The following ST8SIA6 variants were observed in gnomAD, a reference collection of about 807,000 sequenced individuals.
ST8SIA6 encodes alpha-2,8-sialyltransferase 8F.
Under a neutral mutation model 33.6 loss-of-function variants are expected in ST8SIA6, and 39 were observed. The observed-to-expected ratio is 1.16, with a 90% CI of 0.90 to 1.52. The LOEUF (loss-of-function observed/expected upper bound fraction) is 1.52. ST8SIA6 is among the 40% of genes most tolerant of loss of function. The probability of loss-of-function intolerance (pLI) is 0.00; values close to 1 mark genes in which losing one functional copy is unlikely to be tolerated. For synonymous variants in ST8SIA6, 172 were observed against 167.2 expected, an observed-to-expected ratio of 1.03 and a Z score of -0.22; for missense variants, 441 against 443.8, an observed-to-expected ratio of 0.99 and a Z score of 0.06.
intron 4 of ST8SIA6, among the ~76,000 whole-genome samples, chr10:17,348,221 C>CT (rs202024746): frequency 0.19 from 24,435 of 131,522 alleles, 2,414 homozygotes; most frequent in East Asian, 0.48. Context: ...GAGTAGGAAC[C>CT]TTTTTTTTTT....
intron 4 of ST8SIA6, among the ~76,000 whole-genome samples, chr10:17,358,445 T>G (rs552790799): frequency 6.6e-6 from 1 of 152,192 alleles, no homozygotes; most frequent in Non-Finnish European, 1.5e-5. Context: ...TTTTACAAGT[T>G]TAATGCTTCA....
intron 4 of ST8SIA6, among the ~76,000 whole-genome samples, chr10:17,355,525 T>C (rs1849163966): frequency 6.6e-6 from 1 of 152,176 alleles, no homozygotes; most frequent in Non-Finnish European, 1.5e-5. Context: ...CATCTCTCTC[T>C]TGATATTTTC....
chr10:17,453,438 T>TA (rs375711170), intron 2 of ST8SIA6, 121 bp downstream of exon 2: 3 of 705,328 alleles, frequency 4.3e-6, no homozygotes, highest in Middle Eastern at 9.0e-4. Flanking sequence ...CGCACACTCT[T>TA]ACACTCACTC....
At chr10:17,376,211 A>G (rs1007544162) in intron 3 of ST8SIA6, among the ~76,000 whole-genome samples, 3 of 152,058 alleles carry the variant, frequency 2.0e-5, no homozygotes, top group Non-Finnish European at 4.4e-5. Context: ...ATTAGTAGCT[A>G]CTCTTTGAGC....
rs1297642517 is a variant in ST8SIA6, at chr10:17,319,140, A to T, written c.*1738T>A. Among the ~76,000 whole-genome samples, 1 of 152,218 alleles carries T rather than the reference A, an allele frequency of 6.6e-6. No homozygotes were observed. Among genetic ancestry groups the T allele is most frequent in the Non-Finnish European group, 1.5e-5 (1 of 68,036 alleles). On this transcript the variant is annotated 3_prime_UTR_variant, in exon 8 of 8. Coordinates refer to ENST00000377602, the MANE Select transcript of ST8SIA6 (RefSeq NM_001004470.3). ...TGCACATGTTATATGTGTCACAATG[A>T]ATGTGTCTAAATATGACAGATTATG...
chr10:17,320,903 T>G lies in ST8SIA6; in HGVS notation c.1172A>C (p.Gln391Pro), dbSNP rs906532716. 6.2e-7 allele frequency: 1 copy of G among 1,614,036 alleles called. No individual in the cohort carries two copies. Among genetic ancestry groups the G allele is most frequent in the Non-Finnish European group, 8.5e-7 (1 of 1,179,928 alleles). Residue 391 changes from glutamine to proline, a missense_variant, in exon 8 of 8, where the codon CAA (glutamine) becomes CCA (proline). Coordinates refer to ENST00000377602, the MANE Select transcript of ST8SIA6 (RefSeq NM_001004470.3). ...TTAGGCGACTTCACATTTGCTAAATTGCAGTTTGAGGATTCCTTTCATGTG... is the reference window on the plus strand; with the variant it reads ...TTAGGCGACTTCACATTTGCTAAATGGCAGTTTGAGGATTCCTTTCATGTG... ...QLHMKGILKL[Q>P]FSKCEVA
At chr10:17,438,294 G>A (rs1852354823) in intron 2 of ST8SIA6, among the ~76,000 whole-genome samples, 1 of 152,092 alleles carries the variant, frequency 6.6e-6, no homozygotes, top group Admixed American at 6.6e-5. Flanking sequence ...ACACTTAAGA[G>A]TTTAATTTGG....
chr10:17,390,808 A>AAAAAG (rs1314284025), intron 2 of ST8SIA6, among the ~76,000 whole-genome samples, 188 bp from the exon 3 acceptor site: 3 of 151,144 alleles, frequency 2.0e-5, no homozygotes, highest in Non-Finnish European at 2.9e-5. Context: ...TGAAAAAAAA[A>AAAAAG]ACAAAAAACT....
chr10:17,418,721 G>A (rs528330813), intron 2 of ST8SIA6, among the ~76,000 whole-genome samples: 2 of 152,116 alleles, frequency 1.3e-5, no homozygotes, highest in African/African-American at 2.4e-5. Context: ...AGCTGGGCGC[G>A]ATGGCTCATG....
intron 3 of ST8SIA6, among the ~76,000 whole-genome samples, chr10:17,368,696 TTAAG>T (rs1849641201): frequency 6.7e-6 from 1 of 148,698 alleles, no homozygotes; most frequent in Admixed American, 6.6e-5. Flanking sequence ...AAAGTAATAA[TTAAG>T]TAAGCTGTGC....
intron 3 of ST8SIA6, among the ~76,000 whole-genome samples, chr10:17,382,248 G>C (rs1353217906): frequency 1.4e-5 from 2 of 139,314 alleles, no homozygotes; most frequent in Non-Finnish European, 3.1e-5. Flanking sequence ...AGAAGTTTCA[G>C]TGATAATTTT....
At chr10:17,397,770 G>T (rs1437527056) in intron 2 of ST8SIA6, among the ~76,000 whole-genome samples, 1 of 152,024 alleles carries the variant, frequency 6.6e-6, no homozygotes, top group African/African-American at 2.4e-5. Context: ...GTTTGGTACT[G>T]GCAACCAAGA....
rs1195222508 is a variant in ST8SIA6, at chr10:17,347,393, G to A, written c.377+12121C>T. ...TTTCTGATTCAGGCCACTGGGAGAAGGATGCTGACTTCTCTGACACACAGA... is the reference window on the plus strand; with the variant it reads ...TTTCTGATTCAGGCCACTGGGAGAAAGATGCTGACTTCTCTGACACACAGA... On this transcript the variant is annotated intron_variant, in intron 4 of 7. Coordinates refer to ENST00000377602, the MANE Select transcript of ST8SIA6 (RefSeq NM_001004470.3). 3.3e-5 allele frequency among the ~76,000 whole-genome samples: 5 copies of A among 152,166 alleles called. No individual in the cohort carries two copies. In the South Asian group the frequency reaches 8.3e-4, roughly 25 times the overall value.
intron 6 of ST8SIA6, 72 bp from the exon 7 acceptor site, chr10:17,323,229 G>GCGCACGCACACA (rs112083592): frequency 0.04 from 31,522 of 787,056 alleles, 1,663 homozygotes; most frequent in African/African-American, 0.1. Flanking sequence ...ACATATGCGC[G>GCGCACGCACACA]CACACACACA....
intron 3 of ST8SIA6, among the ~76,000 whole-genome samples, chr10:17,370,243 G>A (rs1436408233): frequency 6.6e-6 from 1 of 152,042 alleles, no homozygotes; most frequent in Non-Finnish European, 1.5e-5. Context: ...TCGGCCTCTC[G>A]AAGTGCTGGG....
intron 7 of ST8SIA6, among the ~76,000 whole-genome samples, chr10:17,322,460 G>A (rs896803441): frequency 1.8e-4 from 28 of 152,074 alleles, no homozygotes; most frequent in Admixed American, 9.8e-4. Context: ...TGAAAGGCAA[G>A]TTCAATATTT....
intron 6 of ST8SIA6, among the ~76,000 whole-genome samples, chr10:17,324,288 T>C (rs979025203): frequency 6.6e-6 from 1 of 152,060 alleles, no homozygotes; most frequent in African/African-American, 2.4e-5. Flanking sequence ...CCATGTCCTA[T>C]AAAACACATG....
chr10:17,400,714 T>C lies in ST8SIA6; in HGVS notation c.201-10094A>G, dbSNP rs546907834. 1.5e-3 allele frequency among the ~76,000 whole-genome samples: 233 copies of C among 152,260 alleles called. 2 individuals carry two copies. The highest frequency in any genetic ancestry group is 2.4e-3 in the Non-Finnish European group (163 of 68,012). ...TCTCAATAGATGCAGAAAAGGCCTT[T>C]GACAAAATTCAACAGCCCTTCATGC... On this transcript the variant is annotated intron_variant, in intron 2 of 7. Coordinates refer to ENST00000377602, the MANE Select transcript of ST8SIA6 (RefSeq NM_001004470.3).
chr10:17,333,704 TATATATATATATA>T (rs1418512455), intron 4 of ST8SIA6, among the ~76,000 whole-genome samples: 8 of 30,052 alleles, frequency 2.7e-4, no homozygotes, highest in Non-Finnish European at 3.6e-4. Flanking sequence ...TATATATATA[TATATATATATATA>T]TTTTTTTTTT....
Sources: allele counts gnomAD v4.1 joint callset (sites outside exome capture counted in the v4.1 genomes callset), GRCh38; gene constraint gnomAD v4.1.1; transcripts MANE v1.5; gene names NCBI Gene and HGNC (gene_info 2026-07-23, HGNC 2026-07-21).